MNAT1: variants seen among roughly 807,000 people sequenced by gnomAD.
The protein encoded by MNAT1 is CDK-activating kinase assembly factor MAT1.
In MNAT1, 43 loss-of-function variants were observed where a neutral mutation model predicts 42.0. The ratio of observed to expected loss-of-function variants is 1.02; its 90% confidence interval spans 0.80 to 1.32. MNAT1 has a LOEUF of 1.32. Among genes scored for constraint, MNAT1 ranks in the 40% most tolerant of loss-of-function variants. The probability of loss-of-function intolerance (pLI) is 0.00; values close to 1 mark genes in which losing one functional copy is unlikely to be tolerated. For synonymous variants in MNAT1, 118 were observed against 120.0 expected (o/e 0.98, Z 0.11); for missense variants, 306 against 350.4 (o/e 0.87, Z 1.01).
chr14:60,798,253 A>G, intron 3 of MNAT1, 93 bp downstream of exon 3: 1 of 658,316 alleles, frequency 1.5e-6, no homozygotes, highest in Admixed American at 2.6e-5. Flanking sequence ...AAACCTCTTA[A>G]CAGGTTTTGT....
chr14:60,912,513 C>T (rs1418640655), intron 7 of MNAT1, among the ~76,000 whole-genome samples: 1 of 152,082 alleles, frequency 6.6e-6, no homozygotes, highest in Non-Finnish European at 1.5e-5. Flanking sequence ...GTAGGGCAGG[C>T]CTGGTGGTGA....
At position 60,734,882 on chromosome 14, in the gene MNAT1, C is replaced by T. The variant is rs1335283130; in HGVS notation, c.20C>T (p.Pro7Leu). The T allele has an allele frequency of 6.2e-7, 1 of 1,614,132 alleles. No homozygotes were observed. The highest frequency in any genetic ancestry group is 1.3e-5 in the African/African-American group (1 of 75,044). The stretch of plus-strand genomic sequence containing the variant: ...ACCGCCATGGACGATCAGGGTTGCC[C>T]TCGGTGTAAGACCACCAAATATCGG... MDDQGC[P>L]RCKTTKYRNP... is the part of the protein sequence containing the mutation. The change falls in exon 1 of 8, where the codon CCT (proline) becomes CTT (leucine). Residue 7 changes from proline to leucine, a missense_variant. Pro to Leu is a moderately conservative substitution (Grantham distance 98). This residue lies in a region of MNAT1 where 72 missense variants were observed against 111.0 expected (regional missense o/e 0.65). Transcript: ENST00000261245. The surrounding 1 kb of genome is among the most constrained non-coding windows in gnomAD (Gnocchi z 4.3).
At chr14:60,812,680 C>G (rs974207286) in intron 5 of MNAT1, among the ~76,000 whole-genome samples, 30 of 151,898 alleles carry the variant, frequency 2.0e-4, no homozygotes, top group Admixed American at 1.6e-3. Context: ...AGTGTCTTCA[C>G]TTCAACCTTT....
At chr14:60,893,801 G>A (rs928404189) in intron 7 of MNAT1, among the ~76,000 whole-genome samples, 1 of 152,038 alleles carries the variant, frequency 6.6e-6, no homozygotes, top group Admixed American at 6.6e-5. Context: ...TTCTCTCTTG[G>A]TGTTGCTCCC....
At chr14:60,888,338 A>C (rs942812172) in intron 7 of MNAT1, among the ~76,000 whole-genome samples, 9 of 152,098 alleles carry the variant, frequency 5.9e-5, no homozygotes, top group African/African-American at 2.2e-4. Flanking sequence ...ACAGAACCAA[A>C]GACAAAAACC....
At chr14:60,879,933 G>A in intron 7 of MNAT1, 98 bp downstream of exon 7, 1 of 1,348,170 alleles carries the variant, frequency 7.4e-7, no homozygotes, top group Non-Finnish European at 1.0e-6. Flanking sequence ...TCAGTTTATA[G>A]AACTTTACTG....
chr14:60,822,958 T>C (rs1159247488), intron 6 of MNAT1, among the ~76,000 whole-genome samples: 5 of 152,144 alleles, frequency 3.3e-5, no homozygotes, highest in Non-Finnish European at 7.4e-5. Context: ...GGTTTCACCA[T>C]GTTGCCCAGG....
chr14:60,856,917 G>A (rs1268900539), intron 6 of MNAT1, among the ~76,000 whole-genome samples: 2 of 152,082 alleles, frequency 1.3e-5, no homozygotes, highest in Admixed American at 1.3e-4. Context: ...CTCACCTCGT[G>A]ATCCGCCCGC....
intron 1 of MNAT1, among the ~76,000 whole-genome samples, chr14:60,762,613 G>A (rs2030650586): frequency 6.8e-6 from 1 of 147,912 alleles, no homozygotes; most frequent in Non-Finnish European, 1.5e-5. Flanking sequence ...GGCTGAGGCA[G>A]GAGAATCGCT....
At chr14:60,812,189 G>A in intron 5 of MNAT1, 62 bp downstream of exon 5, 1 of 1,428,114 alleles carries the variant, frequency 7.0e-7, no homozygotes, top group African/African-American at 1.4e-5. Context: ...TTTCCTAGTA[G>A]GCTGGATGAT....
In MNAT1 at chr14:60,964,560, C is replaced by G. The variant is rs1980896; in HGVS notation, c.810-3669C>G. On this transcript the variant is annotated intron_variant, in intron 7 of 7. Coordinates refer to ENST00000261245, the MANE Select transcript of MNAT1 (RefSeq NM_002431.4). ...TTTACTTTCCTGGTTTCTGCTTATA[C>G]GATTTACACATATTTAAAATAAACC... Among the ~76,000 whole-genome samples, 7 of 152,120 alleles carry G rather than the reference C, an allele frequency of 4.6e-5. No individual in the cohort carries two copies. In the East Asian group the frequency reaches 7.7e-4, roughly 17 times the overall value.
rs918336419 is a variant in MNAT1, at chr14:60,896,860, TA to T, written c.809+17035del. 1.9e-3 allele frequency among the ~76,000 whole-genome samples: 285 copies of T among 148,056 alleles called. 1 individual carries two copies. Among genetic ancestry groups the T allele is most frequent in the African/African-American group, 5.8e-3 (235 of 40,548 alleles). The stretch of plus-strand genomic sequence containing the variant: ...GTTCATTTGTGAATGATTATGGAAA[TA>T]AAAAAAAAAGACTTGTTGGCAAAGT... On this transcript the variant is annotated intron_variant, in intron 7 of 7. Coordinates refer to ENST00000261245, the MANE Select transcript of MNAT1 (RefSeq NM_002431.4).
At chr14:60,782,367 G>A (rs747403248) in intron 1 of MNAT1, among the ~76,000 whole-genome samples, 17 of 152,072 alleles carry the variant, frequency 1.1e-4, no homozygotes, top group African/African-American at 2.9e-4. Context: ...TTGTCAAAAC[G>A]TTGTGTTTAT....
intron 6 of MNAT1, among the ~76,000 whole-genome samples, chr14:60,828,947 G>C (rs2033140985): frequency 6.6e-6 from 1 of 152,152 alleles, no homozygotes; most frequent in South Asian, 2.1e-4. Flanking sequence ...TGCCCTCTCG[G>C]GGTGGGCTAC....
At chr14:60,751,121 G>A (rs1449040662) in intron 1 of MNAT1, among the ~76,000 whole-genome samples, 1 of 151,074 alleles carries the variant, frequency 6.6e-6, no homozygotes, top group Non-Finnish European at 1.5e-5. Flanking sequence ...AATCAAATGG[G>A]GAAACTGAAG....
chr14:60,871,029 A>G (rs959453074), intron 6 of MNAT1, among the ~76,000 whole-genome samples: 4 of 152,184 alleles, frequency 2.6e-5, no homozygotes, highest in African/African-American at 9.6e-5. Flanking sequence ...CTTGTAGCAT[A>G]ACGTTTTTGA....
chr14:60,959,511 T>G (rs991467977), intron 7 of MNAT1, among the ~76,000 whole-genome samples: 3 of 92,986 alleles, frequency 3.2e-5, no homozygotes, highest in Non-Finnish European at 7.1e-5. Context: ...CATCCTGCTC[T>G]CCATTGCCAT....
At chr14:60,925,162 C>T (rs529291968) in intron 7 of MNAT1, among the ~76,000 whole-genome samples, 8 of 152,266 alleles carry the variant, frequency 5.3e-5, no homozygotes, top group South Asian at 4.1e-4. Context: ...CAATACACGA[C>T]AACACCTATT....
At chr14:60,825,848 A>G (rs1282385388) in intron 6 of MNAT1, among the ~76,000 whole-genome samples, 1 of 152,170 alleles carries the variant, frequency 6.6e-6, no homozygotes, top group African/African-American at 2.4e-5. Context: ...CAGCATAATA[A>G]CTTTCTTTTC....
Sources: allele counts gnomAD v4.1 joint callset (sites outside exome capture counted in the v4.1 genomes callset), GRCh38; gene constraint gnomAD v4.1.1; regional missense constraint gnomAD v4.1.1; non-coding constraint Gnocchi (gnomAD v3.1); transcripts MANE v1.5; gene names NCBI Gene and HGNC (gene_info 2026-07-23, HGNC 2026-07-21).